The following RFX3 variants were observed in gnomAD, a reference collection of about 807,000 sequenced individuals.
The protein encoded by RFX3 is regulatory factor X3.
In RFX3, 14 loss-of-function variants were observed where a neutral mutation model predicts 98.6. The observed-to-expected ratio is 0.14, with a 90% CI of 0.09 to 0.22. The LOEUF (loss-of-function observed/expected upper bound fraction) is 0.22, where lower values mean the gene tolerates loss of function less well. RFX3 is among the 10% of genes least tolerant of loss of function. RFX3 has a pLI of 1.00. For synonymous variants in RFX3, 383 were observed against 328.4 expected, an observed-to-expected ratio of 1.17 and a Z score of -1.80; for missense variants, 639 against 926.9, an observed-to-expected ratio of 0.69 and a Z score of 4.03.
intron 1 of RFX3, among the ~76,000 whole-genome samples, chr9:3,441,512 C>T (rs773333928): frequency 2.0e-4 from 31 of 151,888 alleles, no homozygotes; most frequent in Non-Finnish European, 4.1e-4. Context: ...GGCGCTGGGG[C>T]ATAGAAAATA....
At chr9:3,350,093 T>C (rs946724643) in intron 2 of RFX3, among the ~76,000 whole-genome samples, 1 of 152,062 alleles carries the variant, frequency 6.6e-6, no homozygotes, top group Non-Finnish European at 1.5e-5. Context: ...ACCAAAGGTG[T>C]AATTCATGGA....
chr9:3,421,512 C>A (rs888643030), intron 1 of RFX3, among the ~76,000 whole-genome samples: 1 of 152,134 alleles, frequency 6.6e-6, no homozygotes, highest in Admixed American at 6.5e-5. Context: ...ACAGAAGGTG[C>A]GTGCATTTTT....
At chr9:3,247,618 A>G in intron 15 of RFX3, 1 of 1,329,544 alleles carries the variant, frequency 7.5e-7, no homozygotes, top group Non-Finnish European at 9.7e-7. Flanking sequence ...CTAAAATAGA[A>G]TCATTTACTT....
At chr9:3,388,648 T>C (rs557455894) in intron 2 of RFX3, among the ~76,000 whole-genome samples, 1 of 152,162 alleles carries the variant, frequency 6.6e-6, no homozygotes, top group African/African-American at 2.4e-5. Context: ...TTTTATGGCA[T>C]ACAAAGGGGT....
chr9:3,512,748 T>G (rs1024937655), intron 1 of RFX3, among the ~76,000 whole-genome samples: 8 of 152,066 alleles, frequency 5.3e-5, no homozygotes, highest in Non-Finnish European at 1.0e-4. Context: ...GGTCCTCCCA[T>G]TAGGTAAAAA....
intron 1 of RFX3, among the ~76,000 whole-genome samples, chr9:3,409,882 T>C (rs1164306520): frequency 1.3e-5 from 2 of 151,920 alleles, no homozygotes; most frequent in East Asian, 3.9e-4. Context: ...AATGGATCCA[T>C]TAGTATAAGA....
At chr9:3,272,740 G>A (rs1272642563) in intron 9 of RFX3, among the ~76,000 whole-genome samples, 1 of 152,078 alleles carries the variant, frequency 6.6e-6, no homozygotes, top group African/African-American at 2.4e-5. Context: ...TGAGATTGCT[G>A]TAAGAACACT....
intron 1 of RFX3, among the ~76,000 whole-genome samples, chr9:3,421,990 A>C (rs922794237): frequency 7.1e-6 from 1 of 140,192 alleles, no homozygotes; most frequent in African/African-American, 3.2e-5. Context: ...TAGTGTTGTA[A>C]GTGACTCTTC....
At chr9:3,489,883 C>A (rs1042528730) in intron 1 of RFX3, among the ~76,000 whole-genome samples, 3 of 152,064 alleles carry the variant, frequency 2.0e-5, no homozygotes, top group Non-Finnish European at 4.4e-5. Flanking sequence ...CTCTGTGTGG[C>A]AGTTATGACT....
chr9:3,266,437 A>G (rs949676940), intron 11 of RFX3, 132 bp from the exon 12 acceptor site: 1 of 439,112 alleles, frequency 2.3e-6, no homozygotes, highest in African/African-American at 2.0e-5. Flanking sequence ...CATTGATGAA[A>G]CTTTATTTAA....
At chr9:3,393,948 CA>C (rs1363565899) in intron 2 of RFX3, among the ~76,000 whole-genome samples, 4 of 152,056 alleles carry the variant, frequency 2.6e-5, no homozygotes, top group African/African-American at 9.7e-5. Flanking sequence ...AGCCATAAAG[CA>C]AACCTGCATA....
intron 1 of RFX3, among the ~76,000 whole-genome samples, chr9:3,485,175 C>T (rs866722253): frequency 1.3e-5 from 2 of 151,928 alleles, no homozygotes; most frequent in Admixed American, 6.6e-5. Flanking sequence ...TACTGAAAAC[C>T]ATTTCCCCTT....
intron 1 of RFX3, among the ~76,000 whole-genome samples, chr9:3,439,949 T>C (rs1413386934): frequency 6.6e-6 from 1 of 152,008 alleles, no homozygotes; most frequent in African/African-American, 2.4e-5. Context: ...GAAAGTTTGT[T>C]TAGGGTTTCG....
intron 1 of RFX3, among the ~76,000 whole-genome samples, chr9:3,424,008 G>T (rs1000104964): frequency 6.6e-6 from 1 of 151,290 alleles, no homozygotes; most frequent in African/African-American, 2.4e-5. Context: ...TTAGCCGGGC[G>T]TGGTGGCAGG....
At chr9:3,371,543 A>G (rs1837857556) in intron 2 of RFX3, among the ~76,000 whole-genome samples, 1 of 152,162 alleles carries the variant, frequency 6.6e-6, no homozygotes, top group Admixed American at 6.5e-5. Flanking sequence ...ATAAATTATG[A>G]AGTTTTACAT....
At chr9:3,337,135 G>A (rs1184969552) in intron 3 of RFX3, among the ~76,000 whole-genome samples, 1 of 152,162 alleles carries the variant, frequency 6.6e-6, no homozygotes, top group Non-Finnish European at 1.5e-5. Context: ...ACAAAGTCCT[G>A]AGGCCAGAGA....
intron 1 of RFX3, among the ~76,000 whole-genome samples, chr9:3,503,609 T>A (rs572080672): frequency 1.3e-5 from 2 of 152,246 alleles, no homozygotes; most frequent in South Asian, 2.1e-4. Context: ...AATATCAGTA[T>A]GACAATCTAT....
At chr9:3,238,150 A>G (rs141042129) in intron 15 of RFX3, among the ~76,000 whole-genome samples, 2 of 152,304 alleles carry the variant, frequency 1.3e-5, no homozygotes, top group African/African-American at 4.8e-5. Flanking sequence ...ATTTTCAAAT[A>G]CTATCGATAA....
intron 3 of RFX3, among the ~76,000 whole-genome samples, chr9:3,331,565 T>G (rs73381853): frequency 1.2e-3 from 179 of 152,292 alleles, no homozygotes; most frequent in African/African-American, 4.0e-3. Context: ...TTTTCAGATC[T>G]GTCTTATATA....
Sources: gnomAD v4.1 joint callset for allele counts (sites outside exome capture counted in the v4.1 genomes callset) on GRCh38, gnomAD v4.1.1 for gene constraint, MANE v1.5 for transcripts, NCBI Gene and HGNC (gene_info 2026-07-23, HGNC 2026-07-21) for gene names.